Variants in KIF16B observed in about 807,000 individuals in gnomAD.
KIF16B encodes the protein kinesin-like protein KIF16B.
A neutral mutation model predicts 156.3 loss-of-function variants in KIF16B; 98 were observed. The ratio of observed to expected loss-of-function variants is 0.63; its 90% CI spans 0.53 to 0.74. KIF16B has a LOEUF of 0.74. Ranked by LOEUF, KIF16B falls within the 30% of genes least tolerant of loss-of-function variation. KIF16B has a pLI of 0.00. For missense variants in KIF16B, 1,421 were observed against 1,606.5 expected (o/e 0.88, Z 1.97); for synonymous variants, 564 against 583.7 (o/e 0.97, Z 0.49).
intron 12 of KIF16B, among the ~76,000 whole-genome samples, chr20:16,444,473 T>C (rs1385465344): frequency 6.6e-6 from 1 of 152,248 alleles, no homozygotes; most frequent in Non-Finnish European, 1.5e-5. Context: ...ACATGTTCCA[T>C]GTTCATTCAT....
chr20:16,299,566 T>C (rs1204712672), intron 25 of KIF16B, among the ~76,000 whole-genome samples: 1 of 152,196 alleles, frequency 6.6e-6, no homozygotes, highest in African/African-American at 2.4e-5. Context: ...TAAAGGCAAT[T>C]TGCTCTTTTG....
intron 1 of KIF16B, among the ~76,000 whole-genome samples, chr20:16,544,372 G>A (rs1434810078): frequency 2.6e-5 from 4 of 152,096 alleles, no homozygotes; most frequent in African/African-American, 4.8e-5. Context: ...CACTTTGGGA[G>A]GCCAAGGCAG....
chr20:16,330,403 G>C (rs916449004), intron 24 of KIF16B, among the ~76,000 whole-genome samples: 1 of 152,196 alleles, frequency 6.6e-6, no homozygotes, highest in Non-Finnish European at 1.5e-5. Flanking sequence ...CTAGGGTGAT[G>C]GCTTTCAGGA....
intron 25 of KIF16B, among the ~76,000 whole-genome samples, chr20:16,286,170 A>C (rs1183279796): frequency 6.6e-6 from 1 of 152,224 alleles, no homozygotes; most frequent in Non-Finnish European, 1.5e-5. Context: ...ATATTTGTTG[A>C]ATGAAATAAT....
chr20:16,523,128 C>T (rs1295095643), intron 3 of KIF16B, among the ~76,000 whole-genome samples: 1 of 152,172 alleles, frequency 6.6e-6, no homozygotes, highest in Non-Finnish European at 1.5e-5. Flanking sequence ...CAGCACAAGA[C>T]AAGGATGCCC....
At chr20:16,291,575 C>T (rs147563510) in intron 25 of KIF16B, among the ~76,000 whole-genome samples, 64 of 152,244 alleles carry the variant, frequency 4.2e-4, no homozygotes, top group African/African-American at 1.4e-3. Context: ...TAGAAAGATG[C>T]CCCTGATCAA....
At chr20:16,425,915 C>G (rs1394270696) in intron 15 of KIF16B, among the ~76,000 whole-genome samples, 2 of 152,138 alleles carry the variant, frequency 1.3e-5, no homozygotes, top group Non-Finnish European at 2.9e-5. Flanking sequence ...TGAGAGGCCT[C>G]AGGAAACTTA....
intron 1 of KIF16B, 63 bp from the exon 2 acceptor site, chr20:16,528,503 TA>T: frequency 8.4e-7 from 1 of 1,186,304 alleles, no homozygotes; most frequent in Non-Finnish European, 1.3e-6. Context: ...AAAACAAAAC[TA>T]AACCCATTTG....
At chr20:16,536,055 C>CT (rs2069948360) in intron 1 of KIF16B, among the ~76,000 whole-genome samples, 1 of 152,150 alleles carries the variant, frequency 6.6e-6, no homozygotes, top group South Asian at 2.1e-4. Context: ...TATTGAAGCA[C>CT]TATTCACAAT....
In KIF16B at chr20:16,379,294, T is replaced by C. The variant is rs532551203; in HGVS notation, c.2708A>G (p.Gln903Arg). The change falls in exon 19 of 26, where the codon CAA becomes CGA. Residue 903 changes from glutamine (Q) to arginine (R), a missense_variant. Transcript: ENST00000354981. ...GTACTGTAGCTGGCGTTCTTTATAT[T>C]GCAGCCTGTACTCCACTGGCTTTAT... ...EKIKPVEYRL[Q>R]YKERQLQYLL... The C allele has an allele frequency of 6.2e-6, 10 of 1,613,530 alleles. No individual in the cohort carries two copies. The African/African-American group carries it at 9.3e-5, about 15-fold the overall frequency.
chr20:16,328,834 C>T (rs1435354790), intron 24 of KIF16B, among the ~76,000 whole-genome samples: 4 of 152,032 alleles, frequency 2.6e-5, no homozygotes, highest in Non-Finnish European at 5.9e-5. Context: ...GGCAAGCTCC[C>T]TCAGGTACTA....
chr20:16,370,845 C>T (rs2064801262), intron 21 of KIF16B, among the ~76,000 whole-genome samples: 1 of 152,154 alleles, frequency 6.6e-6, no homozygotes, highest in East Asian at 1.9e-4. Context: ...ACACTTACTC[C>T]TAATCTTAAA....
At chr20:16,550,528 C>CTTTTTTTTT (rs745923425) in intron 1 of KIF16B, among the ~76,000 whole-genome samples, 3 of 103,496 alleles carry the variant, frequency 2.9e-5, no homozygotes, top group African/African-American at 3.9e-5. Context: ...ATGAAACATT[C>CTTTTTTTTT]TTTTTTTTTT....
intron 25 of KIF16B, among the ~76,000 whole-genome samples, chr20:16,306,790 T>C (rs2063547325): frequency 6.6e-6 from 1 of 152,182 alleles, no homozygotes; most frequent in Non-Finnish European, 1.5e-5. Context: ...CTATCATCTC[T>C]ATCATCACAG....
At chr20:16,487,381 G>A (rs6135763) in intron 12 of KIF16B, among the ~76,000 whole-genome samples, 16,719 of 152,130 alleles carry the variant, frequency 0.11, 1,110 homozygotes, top group East Asian at 0.3. Context: ...CCAGAGGACC[G>A]CAGGAAACTT....
At chr20:16,392,811 C>A (rs2065401203) in intron 17 of KIF16B, among the ~76,000 whole-genome samples, 1 of 152,184 alleles carries the variant, frequency 6.6e-6, no homozygotes, top group South Asian at 2.1e-4. Flanking sequence ...CCTTATTCCT[C>A]CCCAAGTTGC....
chr20:16,398,541 C>T (rs1202373448), intron 17 of KIF16B, among the ~76,000 whole-genome samples: 1 of 152,190 alleles, frequency 6.6e-6, no homozygotes, highest in Non-Finnish European at 1.5e-5. Flanking sequence ...ACAGTGGTAA[C>T]CATGCCAATC....
intron 12 of KIF16B, among the ~76,000 whole-genome samples, chr20:16,467,918 A>AT (rs1211271141): frequency 6.6e-6 from 1 of 152,218 alleles, no homozygotes; most frequent in Non-Finnish European, 1.5e-5. Context: ...AAAATGCTCA[A>AT]TTAAAACCAT....
chr20:16,381,744 A>G lies in KIF16B; in HGVS notation c.1788T>C (p.Leu596=). The change falls in exon 18 of 26, where the codon CTT becomes CTC. Residue 596 remains leucine, a synonymous_variant. Transcript: ENST00000354981. The part of the protein sequence containing the change: ...LSAVMLYNPG[L]EFERQQREEL... ...CTTCACGCTGTTGCCTCTCAAATTC[A>G]AGTCTAATAAAATCAAATGAAAATG... The G allele has an allele frequency of 6.2e-7, 1 of 1,609,840 alleles. No homozygotes were observed. Among genetic ancestry groups the G allele is most frequent in the Non-Finnish European group, 8.5e-7 (1 of 1,177,232 alleles).
Sources: allele counts gnomAD v4.1 joint callset (sites outside exome capture counted in the v4.1 genomes callset), GRCh38; gene constraint gnomAD v4.1.1; transcripts MANE v1.5; gene names NCBI Gene and HGNC (gene_info 2026-07-23, HGNC 2026-07-21).